The following ZNF292 variants were observed in gnomAD, a reference collection of about 807,000 sequenced individuals.
ZNF292 encodes the protein 16 zinc-finger domain protein.
ZNF292 carries 26 observed loss-of-function variants against 217.9 expected under a neutral mutation model. That is an observed-to-expected ratio of 0.12 (90% CI 0.09 to 0.17). The LOEUF (loss-of-function observed/expected upper bound fraction) is 0.17. ZNF292 is among the 10% of genes least tolerant of loss of function. The pLI, the probability that ZNF292 is intolerant of heterozygous loss-of-function variation, is 1.00. For synonymous variants in ZNF292, 1,257 were observed against 1,124.1 expected (o/e 1.12, Z -2.37); for missense variants, 2,904 against 3,175.2 (o/e 0.91, Z 2.05).
chr6:87,257,744 A>T lies in ZNF292; in HGVS notation c.4115A>T (p.Asp1372Val). Residue 1372 changes from aspartate to valine, a missense_variant, in exon 8 of 8, where the codon GAT becomes GTT. By Grantham distance (152) the Asp-to-Val change is radical. Around this residue, in one of 15 missense-constraint regions of ZNF292, gnomAD observed 23 missense variants for 51.3 expected, o/e 0.45. Coordinates refer to ENST00000369577, the MANE Select transcript of ZNF292 (RefSeq NM_015021.3). ...KRAKWPAIIR[D>V]GKFICSRCYR... ...GCTAAATGGCCTGCAATTATCAGAGATGGGAAATTTATCTGTAGCAGGTGT... is the reference window on the plus strand; with the variant it reads ...GCTAAATGGCCTGCAATTATCAGAGTTGGGAAATTTATCTGTAGCAGGTGT... 6.2e-7 allele frequency: 1 copy of T among 1,613,712 alleles called. No homozygotes were observed.
chr6:87,223,848 A>G (rs1773213094), intron 4 of ZNF292: 3 of 152,216 alleles, frequency 2.0e-5, no homozygotes, highest in Admixed American at 2.0e-4. Flanking sequence ...GAGTCCTGGA[A>G]TCAACCGTTT....
Position 87,258,053 on chromosome 6 carries a change from T to C in ZNF292, c.4424T>C (p.Val1475Ala). Reference protein sequence around the residue: ...FLPNTFPRSGVTNFNTSVSQE... With the variant: ...FLPNTFPRSGATNFNTSVSQE... ...CCAAATACATTTCCTCGATCTGGTG[T>C]GACTAACTTTAATACCAGTGTCAGT... is the stretch of plus-strand genomic sequence containing the variant. Residue 1475 changes from valine (V) to alanine (A), a missense_variant, in exon 8 of 8, where the codon GTG becomes GCG. Physicochemically the swap from Val to Ala is moderately conservative, Grantham distance 64. This residue lies in a region of ZNF292 where 622 missense variants were observed against 573.1 expected (regional missense o/e 1.09). Coordinates refer to ENST00000369577, the MANE Select transcript of ZNF292 (RefSeq NM_015021.3). The C allele has an allele frequency of 6.2e-7, 1 of 1,613,836 alleles. No homozygotes were observed.
intron 1 of ZNF292, among the ~76,000 whole-genome samples, chr6:87,212,328 AT>A (rs1554199184): frequency 6.6e-6 from 1 of 152,168 alleles, no homozygotes; most frequent in Non-Finnish European, 1.5e-5. Context: ...TGTGGAGTAC[AT>A]AGCCATGATT....
chr6:87,193,579 C>G (rs187296484), intron 1 of ZNF292, among the ~76,000 whole-genome samples: 5 of 151,948 alleles, frequency 3.3e-5, no homozygotes, highest in Non-Finnish European at 5.9e-5. Context: ...ACAGTTTATT[C>G]AGTGTCCCCA....
intron 6 of ZNF292, 95 bp downstream of exon 6, chr6:87,243,706 A>G (rs1774428523): frequency 2.5e-6 from 3 of 1,190,246 alleles, no homozygotes; most frequent in Non-Finnish European, 3.3e-6. Context: ...ATAATTTAAA[A>G]TCTTTTTAAG....
intron 1 of ZNF292, among the ~76,000 whole-genome samples, chr6:87,178,317 T>C (rs1214121525): frequency 6.6e-6 from 1 of 152,234 alleles, no homozygotes; most frequent in African/African-American, 2.4e-5. Context: ...TGAATGGTTT[T>C]CTCCTTGAAT....
chr6:87,213,104 T>C (rs2127799502), intron 1 of ZNF292, among the ~76,000 whole-genome samples: 1 of 152,284 alleles, frequency 6.6e-6, no homozygotes, highest in South Asian at 2.1e-4. Flanking sequence ...TAAATTATTT[T>C]TAGGGGAATT....
rs377445408 is a variant in ZNF292, at chr6:87,233,419, A to G, written c.633A>G (p.Leu211=). 1.2e-6 allele frequency: 2 copies of G among 1,613,540 alleles called. No homozygotes were observed. Among genetic ancestry groups the G allele is most frequent in the African/African-American group, 2.7e-5 (2 of 74,932 alleles). Residue 211 remains leucine (L), a synonymous_variant, in exon 5 of 8, where the codon CTA becomes CTG. Coordinates refer to ENST00000369577, the MANE Select transcript of ZNF292 (RefSeq NM_015021.3). ...KTNQLSQATA[L]AKLCSDHPEI... ...ATCAGTTAAGTCAAGCAACTGCTCT[A>G]GCAAAGCTGTGTTCTGACCATCCAG...
intron 1 of ZNF292, among the ~76,000 whole-genome samples, chr6:87,207,862 A>C (rs961457207): frequency 6.6e-6 from 1 of 152,156 alleles, no homozygotes; most frequent in African/African-American, 2.4e-5. Flanking sequence ...GGCCCATTGC[A>C]CAACTGTCTT....
rs66511840 is a variant in ZNF292 at position 87,253,220 on chromosome 6, C to CTTT, written c.1021-1410_1021-1408dup. On this transcript the variant is annotated intron_variant, in intron 7 of 7. Coordinates refer to ENST00000369577, the MANE Select transcript of ZNF292 (RefSeq NM_015021.3). ...TAAACCATGAGCCACCATGCCCAGCCTTTTTTTTTTTTTTTTTTTTTTGAG... is the reference window on the plus strand; with the variant it reads ...TAAACCATGAGCCACCATGCCCAGCCTTTTTTTTTTTTTTTTTTTTTTTTTGAG... Among the ~76,000 whole-genome samples the CTTT allele has an allele frequency of 1.4e-3, 163 of 118,958 alleles. 4 individuals are homozygous for CTTT. Among genetic ancestry groups the CTTT allele is most frequent in the African/African-American group, 3.9e-3 (114 of 29,442 alleles). 78.0% of individuals were successfully genotyped at this position (118,958 alleles called of 152,430 possible).
rs769915611 is a variant in ZNF292 at position 87,260,053 on chromosome 6, G to A, written c.6424G>A (p.Asp2142Asn). 1.2e-6 allele frequency: 2 copies of A among 1,613,562 alleles called. No individual in the cohort carries two copies. The highest frequency in any genetic ancestry group is 1.7e-5 in the Admixed American group (1 of 59,956). Residue 2142 changes from aspartate to asparagine, a missense_variant, in exon 8 of 8, where the codon GAT becomes AAT. This residue lies in a region of ZNF292 where 261 missense variants were observed against 272.8 expected (regional missense o/e 0.96). Transcript: ENST00000369577. ...ILHYQAVHKS[D>N]LPAFSAEVEE... ...CCATTACCAGGCTGTACACAAATCAGATCTACCTGCATTTTCAGCAGAGGT... is the reference window on the plus strand; with the variant it reads ...CCATTACCAGGCTGTACACAAATCAAATCTACCTGCATTTTCAGCAGAGGT...
At chr6:87,185,027 A>G (rs984896115) in intron 1 of ZNF292, among the ~76,000 whole-genome samples, 3 of 152,188 alleles carry the variant, frequency 2.0e-5, no homozygotes, top group Non-Finnish European at 2.9e-5. Context: ...CTCTGAAAAC[A>G]TCCTCCCAGA....
Position 87,260,568 on chromosome 6 carries a change from T to A in ZNF292, c.6939T>A (p.Ser2313=). The A allele has an allele frequency of 6.2e-7, 1 of 1,612,782 alleles. No individual in the cohort carries two copies. The highest frequency in any genetic ancestry group is 8.5e-7 in the Non-Finnish European group (1 of 1,179,622). The change falls in exon 8 of 8, where the codon TCT becomes TCA. Residue 2313 remains serine, a synonymous_variant. Transcript: ENST00000369577. ...SSKANQEKSK[S]KHRGTKHSRC... Reference sequence around the variant, plus strand: ...AGGCAAACCAAGAAAAATCAAAGTCTAAACATCGGGGGACCAAGCACAGCA... The same window carrying A: ...AGGCAAACCAAGAAAAATCAAAGTCAAAACATCGGGGGACCAAGCACAGCA...
In ZNF292 at chr6:87,245,658, G is replaced by C; in HGVS notation, c.1020+14G>C. 1.4e-6 allele frequency: 2 copies of C among 1,410,026 alleles called. No individual in the cohort carries two copies. The highest frequency in any genetic ancestry group is 1.9e-6 in the Non-Finnish European group (2 of 1,034,394). 87.3% of individuals were successfully genotyped at this position (1,410,026 alleles called of 1,614,324 possible). ...ATTAATTCAGAGGTAAGAATAATCA[G>C]AATATTTTTAAGGTTAAAATGTGTA... On this transcript the variant is annotated intron_variant, in intron 7 of 7. Transcript: ENST00000369577.
intron 1 of ZNF292, among the ~76,000 whole-genome samples, chr6:87,194,286 TAGAC>T (rs1199997851): frequency 6.6e-6 from 1 of 152,138 alleles, no homozygotes; most frequent in Non-Finnish European, 1.5e-5. Flanking sequence ...AGTTCACTCT[TAGAC>T]ATAAAAATGC....
intron 1 of ZNF292, among the ~76,000 whole-genome samples, chr6:87,210,651 G>A (rs1772443854): frequency 6.6e-6 from 1 of 152,074 alleles, no homozygotes; most frequent in South Asian, 2.1e-4. Context: ...TTGGTGGCGG[G>A]CGTCTGTAGT....
At chr6:87,208,509 A>G (rs933236113) in intron 1 of ZNF292, among the ~76,000 whole-genome samples, 1 of 151,932 alleles carries the variant, frequency 6.6e-6, no homozygotes, top group Admixed American at 6.6e-5. Flanking sequence ...CGTAGATGTA[A>G]TATGTTTTCT....
At position 87,260,943 on chromosome 6, in the gene ZNF292, G is replaced by T; in HGVS notation, c.7314G>T (p.Thr2438=). The T allele has an allele frequency of 6.2e-7, 1 of 1,610,566 alleles. No individual in the cohort carries two copies. The highest frequency in any genetic ancestry group is 8.5e-7 in the Non-Finnish European group (1 of 1,178,186). The change falls in exon 8 of 8, where the codon ACG becomes ACT. Residue 2438 remains threonine (T), a synonymous_variant. Transcript: ENST00000369577. Reference sequence around the variant, plus strand: ...GTTGCAACTCACAAGTAAAGGAAACGTCTGAGCAAGAAGGTGCTAAGAATG... The same window carrying T: ...GTTGCAACTCACAAGTAAAGGAAACTTCTGAGCAAGAAGGTGCTAAGAATG... The part of the protein sequence containing the change: ...KRCCNSQVKE[T]SEQEGAKNDV...
intron 1 of ZNF292, among the ~76,000 whole-genome samples, chr6:87,168,741 A>G (rs1311155829): frequency 6.6e-6 from 1 of 152,158 alleles, no homozygotes; most frequent in Non-Finnish European, 1.5e-5. Context: ...AATTGCTGGG[A>G]TTACAGGTGT....
Sources: gnomAD v4.1 joint callset for allele counts (sites outside exome capture counted in the v4.1 genomes callset) on GRCh38, gnomAD v4.1.1 for gene constraint, gnomAD v4.1.1 regional missense constraint, MANE v1.5 for transcripts, NCBI Gene and HGNC (gene_info 2026-07-23, HGNC 2026-07-21) for gene names.